SHOC2: variants seen among roughly 807,000 people sequenced by gnomAD.
SHOC2 encodes the protein SHOC2 leucine rich repeat scaffold protein.
In SHOC2, 4 loss-of-function variants were observed where a neutral mutation model predicts 50.2. That is an observed-to-expected ratio of 0.08 (90% CI 0.04 to 0.18). SHOC2 has a LOEUF of 0.18. Ranked by LOEUF, SHOC2 falls within the 10% of genes least tolerant of loss-of-function variation. The pLI is 1.00. For synonymous variants in SHOC2, 218 were observed against 244.5 expected (o/e 0.89, Z 1.01); for missense variants, 388 against 669.6 (o/e 0.58, Z 4.64).
chr10:110,932,239 G>A (rs1490721619), intron 1 of SHOC2, among the ~76,000 whole-genome samples: 1 of 152,184 alleles, frequency 6.6e-6, no homozygotes, highest in African/African-American at 2.4e-5. Flanking sequence ...TGTGGCAAAA[G>A]TATGCAGGGG....
chr10:110,994,040 A>G (rs888212475), intron 3 of SHOC2, among the ~76,000 whole-genome samples: 4 of 152,202 alleles, frequency 2.6e-5, no homozygotes, highest in African/African-American at 7.2e-5. Flanking sequence ...TTTTGTTACA[A>G]TGGATCAACT....
At chr10:110,937,217 AC>A (rs1409033242) in intron 1 of SHOC2, 2 of 1,401,166 alleles carry the variant, frequency 1.4e-6, no homozygotes, top group Admixed American at 3.4e-5. Flanking sequence ...AAGCACCAGG[AC>A]CTGCACCTCT....
intron 2 of SHOC2, among the ~76,000 whole-genome samples, chr10:110,974,911 A>G (rs1319558976): frequency 1.3e-5 from 2 of 152,262 alleles, no homozygotes; most frequent in African/African-American, 2.4e-5. Flanking sequence ...TTTTTAAACA[A>G]TTTTTCAAAA....
At chr10:110,947,134 T>G (rs983572682) in intron 1 of SHOC2, among the ~76,000 whole-genome samples, 21 of 152,168 alleles carry the variant, frequency 1.4e-4, no homozygotes, top group African/African-American at 4.8e-4. Context: ...TGGAGATAGA[T>G]GCCCTCCAAG....
intron 2 of SHOC2, among the ~76,000 whole-genome samples, chr10:110,984,220 G>A (rs1171163853): frequency 1.3e-5 from 2 of 152,036 alleles, no homozygotes; most frequent in African/African-American, 2.4e-5. Context: ...GTGGTATCTT[G>A]TTGTGATTTG....
intron 8 of SHOC2, among the ~76,000 whole-genome samples, chr10:111,010,783 A>G (rs895699775): frequency 6.6e-6 from 1 of 152,202 alleles, no homozygotes; most frequent in African/African-American, 2.4e-5. Context: ...CTAAGCCTCA[A>G]GTTTCTTACC....
chr10:110,926,209 T>A (rs1213551386), intron 1 of SHOC2, among the ~76,000 whole-genome samples: 1 of 152,206 alleles, frequency 6.6e-6, no homozygotes, highest in Non-Finnish European at 1.5e-5. Flanking sequence ...TTGATGTCTG[T>A]CTTTATTGCT....
intron 1 of SHOC2, among the ~76,000 whole-genome samples, chr10:110,928,941 A>G (rs1316724019): frequency 6.6e-6 from 1 of 152,162 alleles, no homozygotes; most frequent in Non-Finnish European, 1.5e-5. Context: ...TCTGTGAGTA[A>G]TACCTTAATG....
intron 1 of SHOC2, among the ~76,000 whole-genome samples, chr10:110,960,964 A>G (rs1847560101): frequency 6.6e-6 from 1 of 152,202 alleles, no homozygotes; most frequent in Non-Finnish European, 1.5e-5. Context: ...GACGTGAACC[A>G]CCACGCCTGG....
At chr10:110,967,652 A>C (rs1237206114) in intron 2 of SHOC2, among the ~76,000 whole-genome samples, 2 of 152,158 alleles carry the variant, frequency 1.3e-5, no homozygotes, top group African/African-American at 4.8e-5. Flanking sequence ...ACCCTAGGCA[A>C]ACACTAATCT....
rs1453884731 is a variant in SHOC2, at chr10:110,936,605, A to G, written c.-235+16948A>G. 2.5e-5 allele frequency: 7 copies of G among 276,568 alleles called. 1 individual carries two copies. In the South Asian group the frequency reaches 3.8e-4, roughly 15 times the overall value. 17.1% of individuals were successfully genotyped at this position (276,568 alleles called of 1,614,324 possible). ...TTTCTTTTCCTTTTTTTTTTTTTTT[A>G]ACAGTCTTTATTGGGCTCAGACCAG... On this transcript the variant is annotated intron_variant, in intron 1 of 8. Transcript: ENST00000369452.
chr10:110,923,610 A>T (rs1426016045), intron 1 of SHOC2, among the ~76,000 whole-genome samples: 1 of 152,146 alleles, frequency 6.6e-6, no homozygotes, highest in African/African-American at 2.4e-5. Context: ...TGTATATCTC[A>T]TTCCAACTTC....
intron 3 of SHOC2, among the ~76,000 whole-genome samples, chr10:110,988,469 T>C (rs1213439217): frequency 6.6e-6 from 1 of 152,150 alleles, no homozygotes; most frequent in Non-Finnish European, 1.5e-5. Flanking sequence ...ATTTCAATTA[T>C]CACATTTAAA....
chr10:110,959,092 TGAA>T (rs2134114612), intron 1 of SHOC2, among the ~76,000 whole-genome samples: 1 of 152,260 alleles, frequency 6.6e-6, no homozygotes, highest in East Asian at 1.9e-4. Context: ...TAGAAAAAAA[TGAA>T]GAATTTATTA....
At chr10:110,947,557 A>T (rs568899243) in intron 1 of SHOC2, among the ~76,000 whole-genome samples, 1 of 152,356 alleles carries the variant, frequency 6.6e-6, no homozygotes, top group East Asian at 1.9e-4. Flanking sequence ...ATTTGTTGAT[A>T]AATATATAAT....
intron 2 of SHOC2, among the ~76,000 whole-genome samples, chr10:110,983,468 C>G (rs1324962939): frequency 6.6e-6 from 1 of 152,160 alleles, no homozygotes; most frequent in East Asian, 1.9e-4. Flanking sequence ...AAACTTCCCT[C>G]TTAGCACTAG....
chr10:110,986,151 T>G (rs1046136212), intron 3 of SHOC2, among the ~76,000 whole-genome samples: 7 of 152,198 alleles, frequency 4.6e-5, no homozygotes, highest in Non-Finnish European at 5.9e-5. Flanking sequence ...CTATTTAGTT[T>G]TTTAAACATG....
chr10:110,970,862 T>G (rs1259365187), intron 2 of SHOC2, among the ~76,000 whole-genome samples: 2 of 152,136 alleles, frequency 1.3e-5, no homozygotes, highest in African/African-American at 2.4e-5. Context: ...TTTGGCCATT[T>G]GTATGTCTTG....
rs779218281 is a variant in SHOC2 at position 111,000,534 on chromosome 10, A to G, written c.961A>G (p.Thr321Ala). Residue 321 changes from threonine to alanine, a missense_variant, in exon 4 of 9, where the codon ACT becomes GCT. Physicochemically the swap from Thr to Ala is moderately conservative, Grantham distance 58. Transcript: ENST00000369452. ...ELNLENNNIS[T>A]LPESLLSSLV... ...AAATTTAGAGAACAATAACATTTCT[A>G]CTTTACCAGAGGTAAGAAGTGGATT... The G allele has an allele frequency of 1.1e-5, 17 of 1,611,420 alleles. No homozygotes were observed. Among genetic ancestry groups the G allele is most frequent in the Admixed American group, 8.3e-5 (5 of 60,006 alleles).
Sources: allele counts gnomAD v4.1 joint callset (sites outside exome capture counted in the v4.1 genomes callset), GRCh38; gene constraint gnomAD v4.1.1; transcripts MANE v1.5; gene names NCBI Gene and HGNC (gene_info 2026-07-23, HGNC 2026-07-21).